Variants in ASAP1 observed in about 807,000 individuals in gnomAD.
ASAP1 encodes ArfGAP with SH3 domain, ankyrin repeat and PH domain 1.
ASAP1 carries 43 observed loss-of-function variants against 145.2 expected under a neutral mutation model. That is an observed-to-expected ratio of 0.30 (90% CI 0.23 to 0.38). The LOEUF is 0.38. Ranked by LOEUF, ASAP1 falls within the 10% of genes least tolerant of loss-of-function variation. The probability of loss-of-function intolerance (pLI) is 1.00; values close to 1 mark genes in which losing one functional copy is unlikely to be tolerated. For synonymous variants in ASAP1, 546 were observed against 515.5 expected, an observed-to-expected ratio of 1.06 and a Z score of -0.80; for missense variants, 1,018 against 1,355.3, an observed-to-expected ratio of 0.75 and a Z score of 3.91.
intron 27 of ASAP1, among the ~76,000 whole-genome samples, chr8:130,073,004 G>A (rs925669693): frequency 9.2e-4 from 139 of 151,760 alleles, no homozygotes; most frequent in African/African-American, 3.2e-3. Flanking sequence ...GATGATTGTT[G>A]TGATGTGAGA....
intron 5 of ASAP1, among the ~76,000 whole-genome samples, chr8:130,192,780 C>T (rs973649953): frequency 3.9e-5 from 6 of 152,182 alleles, no homozygotes; most frequent in Non-Finnish European, 8.8e-5. Flanking sequence ...AATATGCTCA[C>T]TGCTATATTC....
chr8:130,180,954 T>A (rs1814315732), intron 7 of ASAP1, 74 bp from the exon 8 acceptor site: 2 of 1,382,242 alleles, frequency 1.4e-6, no homozygotes, highest in Non-Finnish European at 2.0e-6. Context: ...CAGATCCTAA[T>A]ACAAACTATG....
chr8:130,108,934 C>T (rs1211214688), intron 24 of ASAP1, among the ~76,000 whole-genome samples: 1 of 151,840 alleles, frequency 6.6e-6, no homozygotes, highest in Non-Finnish European at 1.5e-5. Flanking sequence ...CGCCACTACG[C>T]CCGGCTCATT....
intron 3 of ASAP1, among the ~76,000 whole-genome samples, chr8:130,327,407 T>C (rs963006002): frequency 6.6e-6 from 1 of 152,136 alleles, no homozygotes; most frequent in African/African-American, 2.4e-5. Context: ...GGGACCTTGT[T>C]ATGGTGTGAT....
At chr8:130,110,963 A>G (rs1454011374) in intron 24 of ASAP1, among the ~76,000 whole-genome samples, 1 of 152,142 alleles carries the variant, frequency 6.6e-6, no homozygotes, top group Non-Finnish European at 1.5e-5. Flanking sequence ...ACTTGAAGCT[A>G]TAGCTCTGGG....
chr8:130,352,109 C>T (rs985435733), intron 3 of ASAP1, among the ~76,000 whole-genome samples: 2 of 152,002 alleles, frequency 1.3e-5, no homozygotes, highest in Non-Finnish European at 2.9e-5. Flanking sequence ...GTTTGTTTGC[C>T]TTTTGTTGTA....
At chr8:130,180,943 G>T in intron 7 of ASAP1, 63 bp from the exon 8 acceptor site, 1 of 1,447,748 alleles carries the variant, frequency 6.9e-7, no homozygotes. Context: ...AATACCAACA[G>T]CAGATCCTAA....
intron 3 of ASAP1, among the ~76,000 whole-genome samples, chr8:130,243,389 A>G (rs1292357776): frequency 6.6e-6 from 1 of 152,190 alleles, no homozygotes; most frequent in East Asian, 1.9e-4. Context: ...TTCTTCACAT[A>G]GAAGATGCTT....
chr8:130,398,456 T>C (rs145506267), intron 2 of ASAP1, among the ~76,000 whole-genome samples: 22 of 152,274 alleles, frequency 1.4e-4, no homozygotes, highest in Middle Eastern at 3.4e-3. Flanking sequence ...ACAACAGTAG[T>C]AGCAGCAGCA....
chr8:130,306,968 G>T (rs1056869239), intron 3 of ASAP1, among the ~76,000 whole-genome samples: 29 of 152,110 alleles, frequency 1.9e-4, no homozygotes, highest in African/African-American at 6.8e-4. Context: ...CTTGTGCCTG[G>T]CCAACTCTTC....
intron 2 of ASAP1, among the ~76,000 whole-genome samples, chr8:130,394,575 C>T (rs1223361196): frequency 2.0e-5 from 3 of 152,168 alleles, no homozygotes; most frequent in African/African-American, 7.2e-5. Context: ...GTAAAGTATG[C>T]GATCTCTGTG....
At chr8:130,348,217 G>C (rs532305554) in intron 3 of ASAP1, among the ~76,000 whole-genome samples, 1 of 152,328 alleles carries the variant, frequency 6.6e-6, no homozygotes, top group African/African-American at 2.4e-5. Flanking sequence ...ATAGAGCTAA[G>C]AAGAGCTTAC....
In ASAP1 at chr8:130,092,136, A is replaced by T. The variant is rs764893347; in HGVS notation, c.2409T>A (p.Thr803=). The change falls in exon 25 of 30, where the codon ACT becomes ACA. Residue 803 remains threonine, a synonymous_variant. Transcript: ENST00000518721. The part of the protein sequence containing the change: ...LPPRNAGKGP[T]GPPSTLPLST... ...TTAGAGGGAGTGTTGAAGGTGGGCC[A>T]GTTGGACCTAGAAAGGAAATTGAAT... 6.4e-7 allele frequency: 1 copy of T among 1,565,470 alleles called. No individual in the cohort carries two copies. The highest frequency in any genetic ancestry group is 8.6e-7 in the Non-Finnish European group (1 of 1,162,508).
At chr8:130,139,463 T>C (rs2097604248) in intron 13 of ASAP1, among the ~76,000 whole-genome samples, 2 of 152,230 alleles carry the variant, frequency 1.3e-5, no homozygotes, top group Non-Finnish European at 2.9e-5. Flanking sequence ...TGGTGTCTCA[T>C]GCCTGTAATC....
At chr8:130,360,008 A>T (rs1586907683) in intron 2 of ASAP1, among the ~76,000 whole-genome samples, 1 of 152,222 alleles carries the variant, frequency 6.6e-6, no homozygotes, top group East Asian at 1.9e-4. Context: ...ATCTTGTCTT[A>T]GCCTTGGGCC....
chr8:130,103,399 T>C (rs1476968222), intron 24 of ASAP1, among the ~76,000 whole-genome samples: 1 of 152,170 alleles, frequency 6.6e-6, no homozygotes, highest in African/African-American at 2.4e-5. Context: ...CAACTTTATA[T>C]ATTTCTGCTC....
At chr8:130,276,459 A>T (rs2137124952) in intron 3 of ASAP1, among the ~76,000 whole-genome samples, 1 of 152,276 alleles carries the variant, frequency 6.6e-6, no homozygotes, top group Non-Finnish European at 1.5e-5. Flanking sequence ...CCAATCATGG[A>T]CTACGAAGAA....
chr8:130,124,083 T>A lies in ASAP1; in HGVS notation c.1537A>T (p.Asn513Tyr). The change falls in exon 18 of 30, where the codon AAT becomes TAT. Residue 513 changes from asparagine (N) to tyrosine (Y), a missense_variant. Physicochemically the swap from Asn to Tyr is moderately radical, Grantham distance 143 (BLOSUM62 -2). Coordinates refer to ENST00000518721, the MANE Select transcript of ASAP1 (RefSeq NM_018482.4). Reference protein sequence around the residue: ...ELLLAKNVGNNSFNDIMEANL... With the variant: ...ELLLAKNVGNYSFNDIMEANL... ...GCTTCCATAATATCATTAAAACTATTGTTTCCTACATTCTTGGCCAGCTGT... is the reference window on the plus strand; with the variant it reads ...GCTTCCATAATATCATTAAAACTATAGTTTCCTACATTCTTGGCCAGCTGT... 6.2e-7 allele frequency: 1 copy of A among 1,606,336 alleles called. No homozygotes were observed. Among genetic ancestry groups the A allele is most frequent in the Non-Finnish European group, 8.5e-7 (1 of 1,178,118 alleles).
intron 24 of ASAP1, among the ~76,000 whole-genome samples, chr8:130,110,256 T>C (rs552686707): frequency 5.4e-4 from 82 of 152,344 alleles, no homozygotes; most frequent in African/African-American, 1.7e-3. Flanking sequence ...CATTTTCTCC[T>C]ATAAACCATT....
Sources: gnomAD v4.1 joint callset for allele counts (sites outside exome capture counted in the v4.1 genomes callset) on GRCh38, gnomAD v4.1.1 for gene constraint, MANE v1.5 for transcripts, NCBI Gene and HGNC (gene_info 2026-07-23, HGNC 2026-07-21) for gene names.